Variants in RANBP2 observed in about 807,000 individuals in gnomAD.
RANBP2 encodes RAN binding protein 2.
A neutral mutation model predicts 303.6 loss-of-function variants in RANBP2; 57 were observed. The observed-to-expected ratio is 0.19, with a 90% CI of 0.15 to 0.23. The LOEUF (loss-of-function observed/expected upper bound fraction) is 0.23. RANBP2 is among the 10% of genes least tolerant of loss of function. The pLI is 1.00. For missense variants in RANBP2, 3,138 were observed against 3,780.8 expected, an observed-to-expected ratio of 0.83 and a Z score of 4.46; for synonymous variants, 1,167 against 1,301.5, an observed-to-expected ratio of 0.90 and a Z score of 2.23.
chr2:109,379,334 A>T, the RANBP2 span, among the ~76,000 whole-genome samples: 1 of 152,234 alleles, frequency 6.6e-6, no homozygotes, highest in Non-Finnish European at 1.5e-5. Context: ...TAGATGAGGA[A>T]CTGGAAAACG....
the RANBP2 span, chr2:108,846,921 G>C: frequency 6.3e-7 from 1 of 1,581,492 alleles, no homozygotes; most frequent in Non-Finnish European, 8.7e-7. Flanking sequence ...TCTCAAAACA[G>C]TCACTCAAGG....
chr2:108,933,026 G>A, the RANBP2 span, among the ~76,000 whole-genome samples: 1 of 152,182 alleles, frequency 6.6e-6, no homozygotes, highest in Non-Finnish European at 1.5e-5. Flanking sequence ...CCTTAAGATG[G>A]TACGCTTGTT....
the RANBP2 span, among the ~76,000 whole-genome samples, chr2:109,370,547 C>A: frequency 6.6e-6 from 1 of 152,148 alleles, no homozygotes; most frequent in South Asian, 2.1e-4. Context: ...CCATCTGTCT[C>A]TCTTGACACT....
the RANBP2 span, among the ~76,000 whole-genome samples, chr2:109,212,442 A>G: frequency 6.6e-6 from 1 of 152,220 alleles, no homozygotes; most frequent in Non-Finnish European, 1.5e-5. Flanking sequence ...AAACAATACA[A>G]AAGTCTCAAA....
At chr2:109,095,992 T>C in the RANBP2 span, among the ~76,000 whole-genome samples, 1 of 152,200 alleles carries the variant, frequency 6.6e-6, no homozygotes, top group Non-Finnish European at 1.5e-5. Flanking sequence ...TTGGGTCTTG[T>C]TGTTTGGAAA....
At chr2:109,241,009 T>G in the RANBP2 span, among the ~76,000 whole-genome samples, 1 of 152,156 alleles carries the variant, frequency 6.6e-6, no homozygotes, top group Admixed American at 6.5e-5. Flanking sequence ...GCCTCCCTTT[T>G]GGCCAAAAAG....
the RANBP2 span, among the ~76,000 whole-genome samples, chr2:109,731,779 C>T: frequency 0.019 from 2,878 of 152,070 alleles, 38 homozygotes; most frequent in South Asian, 0.057. Flanking sequence ...GGAGCCACTG[C>T]GTCTGGCCTG....
chr2:109,483,443 G>A, the RANBP2 span, among the ~76,000 whole-genome samples: 6 of 152,118 alleles, frequency 3.9e-5, no homozygotes, highest in African/African-American at 1.4e-4. Context: ...AAGAAAAGGT[G>A]CTCCCTTCTC....
chr2:108,745,036 A>G (rs899175879), intron 7 of RANBP2, among the ~76,000 whole-genome samples: 2 of 151,740 alleles, frequency 1.3e-5, no homozygotes, highest in African/African-American at 2.4e-5. Context: ...ATGCTTGCAT[A>G]TTATTCCATT....
chr2:109,288,404 G>A, the RANBP2 span, among the ~76,000 whole-genome samples: 1 of 152,162 alleles, frequency 6.6e-6, no homozygotes, highest in Non-Finnish European at 1.5e-5. Flanking sequence ...TCACAAAGGA[G>A]GCATTTGAAT....
the RANBP2 span, among the ~76,000 whole-genome samples, chr2:108,885,951 T>A: frequency 6.6e-6 from 1 of 152,256 alleles, no homozygotes; most frequent in Admixed American, 6.5e-5. Flanking sequence ...TCATTCTTTT[T>A]GTGGCTGAAT....
chr2:109,435,589 G>A, the RANBP2 span, among the ~76,000 whole-genome samples: 1 of 152,174 alleles, frequency 6.6e-6, no homozygotes, highest in South Asian at 2.1e-4. Flanking sequence ...CTTCCCGTGA[G>A]GGCACGCACT....
the RANBP2 span, among the ~76,000 whole-genome samples, chr2:109,378,678 A>G: frequency 0.026 from 3,953 of 152,300 alleles, 165 homozygotes; most frequent in African/African-American, 0.084. Flanking sequence ...TTTGTTAGGC[A>G]GGGCCAGGGA....
chr2:108,805,452 G>A, the RANBP2 span, among the ~76,000 whole-genome samples: 50 of 152,156 alleles, frequency 3.3e-4, no homozygotes, highest in African/African-American at 8.9e-4. Flanking sequence ...CAGGCCAGGC[G>A]CGGTGGCTCA....
chr2:109,598,357 T>A, the RANBP2 span, among the ~76,000 whole-genome samples: 15 of 152,048 alleles, frequency 9.9e-5, no homozygotes, highest in South Asian at 3.1e-3. Flanking sequence ...CGTGAGCCAC[T>A]GCGCCCGGCC....
chr2:109,469,792 C>T, the RANBP2 span, among the ~76,000 whole-genome samples: 17 of 152,256 alleles, frequency 1.1e-4, no homozygotes, highest in African/African-American at 1.7e-4. Flanking sequence ...GCCAGAAAAC[C>T]GTGCTTTTCC....
the RANBP2 span, chr2:108,847,072 G>C: frequency 3.8e-5 from 23 of 599,684 alleles, no homozygotes; most frequent in African/African-American, 5.7e-5. Flanking sequence ...ATTATAAAAA[G>C]CTACTTTTAT....
At chr2:108,754,761 A>C in intron 15 of RANBP2, 144 bp from the exon 16 acceptor site, 1 of 1,233,494 alleles carries the variant, frequency 8.1e-7, no homozygotes, top group Non-Finnish European at 1.1e-6. Flanking sequence ...ATAATTAAAA[A>C]ACACTTTCAC....
At chr2:108,834,564 C>G in the RANBP2 span, among the ~76,000 whole-genome samples, 1 of 152,152 alleles carries the variant, frequency 6.6e-6, no homozygotes, top group South Asian at 2.1e-4. Flanking sequence ...TGACATCAAT[C>G]CATGAGCATA....
Sources: gnomAD v4.1 joint callset for allele counts (sites outside exome capture counted in the v4.1 genomes callset) on GRCh38, gnomAD v4.1.1 for gene constraint, MANE v1.5 for transcripts, NCBI Gene and HGNC (gene_info 2026-07-23, HGNC 2026-07-21) for gene names.